KCNAB2: variants seen among roughly 807,000 people sequenced by gnomAD.
KCNAB2 encodes the protein voltage-gated potassium channel subunit beta-2.
A neutral mutation model predicts 63.6 loss-of-function variants in KCNAB2; 29 were observed. The observed-to-expected ratio is 0.46, with a 90% confidence interval of 0.34 to 0.62. The LOEUF (loss-of-function observed/expected upper bound fraction) is 0.62. Among genes scored for constraint, KCNAB2 ranks in the 20% least tolerant of loss-of-function variants. The pLI is 0.01. For synonymous variants in KCNAB2, 222 were observed against 224.2 expected (o/e 0.99, Z 0.09); for missense variants, 359 against 563.9 (o/e 0.64, Z 3.68).
intron 1 of KCNAB2, among the ~76,000 whole-genome samples, chr1:6,009,198 G>A (rs1658000971): frequency 6.6e-6 from 1 of 152,200 alleles, no homozygotes; most frequent in Non-Finnish European, 1.5e-5. Flanking sequence ...CCTCTGTAGG[G>A]GTGCTGGGCC....
chr1:6,037,015 T>A (rs1660093797), intron 1 of KCNAB2, among the ~76,000 whole-genome samples: 1 of 152,210 alleles, frequency 6.6e-6, no homozygotes, highest in Non-Finnish European at 1.5e-5. Context: ...GGTGTTCTAA[T>A]GAAACTTTAT....
rs1571079944 is a variant in KCNAB2, at chr1:6,087,323, T to C, written c.426-144T>C. The C allele has an allele frequency of 1.2e-6, 1 of 863,232 alleles. No individual in the cohort carries two copies. The highest frequency in any genetic ancestry group is 1.9e-6 in the Non-Finnish European group (1 of 512,864). 53.5% of individuals were successfully genotyped at this position (863,232 alleles called of 1,614,324 possible). A position where few individuals can be genotyped will look rare whatever the true frequency, so the allele number is the denominator to read the frequency against. ...TGGGCACGTGGTACACATCATATGA[T>C]GGAGAAGTGCCCATTTCATGCCCCA... On this transcript the variant is annotated intron_variant, in intron 6 of 15. Transcript: ENST00000378083. The surrounding 1 kb of genome is among the most constrained non-coding windows in gnomAD (Gnocchi z 6.4).
At chr1:6,053,596 A>G (rs1411041612) in intron 2 of KCNAB2, among the ~76,000 whole-genome samples, 2 of 152,156 alleles carry the variant, frequency 1.3e-5, no homozygotes. Flanking sequence ...AGGAGCGAAG[A>G]GAAGGCCCAG....
upstream of KCNAB2, among the ~76,000 whole-genome samples, chr1:6,030,625 GTA>G (rs1176804008): frequency 1.3e-5 from 2 of 150,096 alleles, no homozygotes; most frequent in Non-Finnish European, 1.5e-5. Flanking sequence ...AGGTATGTGT[GTA>G]TGTGTGTGTA....
chr1:6,033,219 G>GTGTGCGCA (rs1401087647), upstream of KCNAB2, among the ~76,000 whole-genome samples: 2 of 151,740 alleles, frequency 1.3e-5, no homozygotes, highest in African/African-American at 4.8e-5. Flanking sequence ...GCATGTGGGT[G>GTGTGCGCA]TGTGCGCATG....
intron 1 of KCNAB2, among the ~76,000 whole-genome samples, chr1:6,019,069 A>G (rs966511591): frequency 6.6e-6 from 1 of 152,194 alleles, no homozygotes; most frequent in East Asian, 1.9e-4. Flanking sequence ...AGGCAAGAGG[A>G]CAGTGTAAGG....
At chr1:5,999,534 A>G (rs1657119518) in intron 1 of KCNAB2, among the ~76,000 whole-genome samples, 1 of 152,214 alleles carries the variant, frequency 6.6e-6, no homozygotes, top group African/African-American at 2.4e-5. Flanking sequence ...TCTTGGGAAC[A>G]TGTGAAGCCC....
In KCNAB2 at chr1:6,008,419, G is replaced by A. The variant is rs190081651; in HGVS notation, c.-53+15631G>A. ...GCGGATCACCTGAGGTCAGGAGTTC[G>A]AGACCAGCCTGGCCAACACGGTGAA... On this transcript the variant is annotated intron_variant, in intron 1 of 16. Coordinates refer to the KCNAB2 transcript ENST00000341524. Among the ~76,000 whole-genome samples the A allele has an allele frequency of 4.6e-5, 7 of 152,178 alleles. No individual in the cohort carries two copies. In the South Asian group the frequency reaches 6.2e-4, roughly 14 times the overall value.
intron 1 of KCNAB2, among the ~76,000 whole-genome samples, chr1:6,016,761 C>T (rs1381981687): frequency 6.6e-6 from 1 of 152,184 alleles, no homozygotes; most frequent in Admixed American, 6.5e-5. Flanking sequence ...TCTGCGTGGG[C>T]CCCAGACAGG....
At chr1:6,053,026 G>T (rs1331787097) in intron 2 of KCNAB2, among the ~76,000 whole-genome samples, 5 of 152,118 alleles carry the variant, frequency 3.3e-5, no homozygotes, top group Non-Finnish European at 7.3e-5. Context: ...CCTGTGGACG[G>T]CGTGTTTGGT....
chr1:6,027,701 T>G (rs1013263265), intron 1 of KCNAB2, among the ~76,000 whole-genome samples: 2 of 152,210 alleles, frequency 1.3e-5, no homozygotes, highest in African/African-American at 2.4e-5. Flanking sequence ...TCTTGAAAAT[T>G]GTTAATGAGG....
At chr1:6,072,168 C>A (rs1347990178) in intron 2 of KCNAB2, among the ~76,000 whole-genome samples, 1 of 152,198 alleles carries the variant, frequency 6.6e-6, no homozygotes, top group East Asian at 1.9e-4. Flanking sequence ...GAGGCCTACG[C>A]TGCCAGGCTC....
At chr1:6,067,499 G>C (rs910419607) in intron 2 of KCNAB2, among the ~76,000 whole-genome samples, 1 of 152,186 alleles carries the variant, frequency 6.6e-6, no homozygotes, top group Admixed American at 6.5e-5. Flanking sequence ...GTTGGGCCTC[G>C]TGTGAAAACC....
At chr1:6,061,110 C>T (rs577571699) in intron 2 of KCNAB2, among the ~76,000 whole-genome samples, 9 of 152,308 alleles carry the variant, frequency 5.9e-5, no homozygotes, top group African/African-American at 1.2e-4. Flanking sequence ...CGGAAGCCTC[C>T]GCTACAGCAG....
At chr1:6,011,745 G>A (rs568142660) in intron 1 of KCNAB2, among the ~76,000 whole-genome samples, 50 of 152,114 alleles carry the variant, frequency 3.3e-4, no homozygotes, top group South Asian at 1.0e-3. Context: ...GGAGGTGGGC[G>A]AGAGGGAGAG....
intron 1 of KCNAB2, among the ~76,000 whole-genome samples, chr1:6,013,539 A>G (rs1233968869): frequency 6.6e-6 from 1 of 152,096 alleles, no homozygotes; most frequent in Non-Finnish European, 1.5e-5. Context: ...ATCTGAGGTC[A>G]GACACAGCCG....
At chr1:6,040,703 G>A (rs528832984) in intron 2 of KCNAB2, 12 of 1,084,756 alleles carry the variant, frequency 1.1e-5, no homozygotes, top group African/African-American at 4.6e-5. Flanking sequence ...CTTCGAGGAC[G>A]GGTTCCCAAG....
Position 6,100,250 on chromosome 1 carries a change from A to G in KCNAB2, c.*1676A>G, listed in dbSNP as rs1665944005. On this transcript the variant is annotated 3_prime_UTR_variant, in exon 16 of 16. Coordinates refer to ENST00000378083, the MANE Select transcript of KCNAB2 (RefSeq NM_001199862.2). ...AGGAGGGGGATCAGCTTCTGCTATT[A>G]CCGACCCCCCTTCATGCTGCCCCTG... 1 of 625,700 alleles carries G rather than the reference A, an allele frequency of 1.6e-6. No homozygotes were observed. The highest frequency in any genetic ancestry group is 3.7e-5 in the Admixed American group (1 of 27,064). 38.8% of individuals were successfully genotyped at this position (625,700 alleles called of 1,614,324 possible).
In KCNAB2 at chr1:6,039,806, C is replaced by T. The variant is rs553885111; in HGVS notation, c.-52-711C>T. ...TCGCCAGCTGTCGGCCCGAGGCTGC[C>T]CTCAGTTCCTGCCCCAAGGGCCTCT... On this transcript the variant is annotated intron_variant, in intron 1 of 15. Coordinates refer to the KCNAB2 transcript ENST00000164247. Among the ~76,000 whole-genome samples the T allele has an allele frequency of 3.9e-5, 6 of 152,366 alleles. No individual in the cohort carries two copies. In the East Asian group the frequency reaches 9.6e-4, roughly 24 times the overall value.
Sources: allele counts gnomAD v4.1 joint callset (sites outside exome capture counted in the v4.1 genomes callset), GRCh38; gene constraint gnomAD v4.1.1; non-coding constraint Gnocchi (gnomAD v3.1); transcripts MANE v1.5; gene names NCBI Gene and HGNC (gene_info 2026-07-23, HGNC 2026-07-21).